The following LPP variants were observed in gnomAD, a reference collection of about 807,000 sequenced individuals.
The protein encoded by LPP is LIM domain containing preferred translocation partner in lipoma.
Under a neutral mutation model 60.4 loss-of-function variants are expected in LPP, and 38 were observed. The observed-to-expected ratio is 0.63, with a 90% confidence interval of 0.49 to 0.83. LPP has a LOEUF of 0.83. Among genes scored for constraint, LPP ranks in the 40% least tolerant of loss-of-function variants. LPP has a pLI of 0.00. For synonymous variants in LPP, 328 were observed against 290.8 expected (o/e 1.13, Z -1.30); for missense variants, 902 against 783.6 (o/e 1.15, Z -1.80).
At chr3:188,312,150 C>G (rs1014768443) in intron 2 of LPP, among the ~76,000 whole-genome samples, 1 of 148,490 alleles carries the variant, frequency 6.7e-6, no homozygotes, top group Admixed American at 6.6e-5. Flanking sequence ...TACACACACA[C>G]ACAGAAACAC....
chr3:188,735,559 T>A (rs1247594984), intron 8 of LPP, among the ~76,000 whole-genome samples: 1 of 151,936 alleles, frequency 6.6e-6, no homozygotes, highest in Non-Finnish European at 1.5e-5. Context: ...TTTTTTTGTA[T>A]TTTTATTAGA....
chr3:188,504,386 T>C (rs1812843017), intron 5 of LPP, among the ~76,000 whole-genome samples: 1 of 152,198 alleles, frequency 6.6e-6, no homozygotes, highest in Non-Finnish European at 1.5e-5. Flanking sequence ...GACAGTAGTT[T>C]TAAAGTCTTC....
At chr3:188,459,334 C>T (rs749240965) in intron 4 of LPP, among the ~76,000 whole-genome samples, 60 of 151,864 alleles carry the variant, frequency 4.0e-4, no homozygotes, top group Non-Finnish European at 6.6e-4. Context: ...CCCAGAAAAA[C>T]AGGAGAGAGG....
At chr3:188,605,584 C>T (rs1297533484) in intron 6 of LPP, among the ~76,000 whole-genome samples, 1 of 152,052 alleles carries the variant, frequency 6.6e-6, no homozygotes, top group East Asian at 1.9e-4. Context: ...ATTCTAAAGT[C>T]TTCATAACAT....
At chr3:188,615,798 T>C (rs1844730639) in intron 7 of LPP, among the ~76,000 whole-genome samples, 1 of 152,202 alleles carries the variant, frequency 6.6e-6, no homozygotes, top group African/African-American at 2.4e-5. Flanking sequence ...AGAGATGGTA[T>C]CTCATTGTTG....
chr3:188,603,023 A>AAATAATAAT (rs57026715), intron 6 of LPP, among the ~76,000 whole-genome samples: 4,552 of 146,558 alleles, frequency 0.031, 69 homozygotes, highest in Middle Eastern at 0.036. Context: ...CTTGTGTTTG[A>AAATAATAAT]AATAATAATA....
chr3:188,526,925 A>T (rs1292536670), intron 6 of LPP, among the ~76,000 whole-genome samples: 4 of 152,188 alleles, frequency 2.6e-5, no homozygotes, highest in African/African-American at 7.2e-5. Context: ...CACAAAGAAG[A>T]TAGTGATATA....
chr3:188,561,974 C>T (rs759555838), intron 6 of LPP, among the ~76,000 whole-genome samples: 1 of 151,846 alleles, frequency 6.6e-6, no homozygotes, highest in African/African-American at 2.4e-5. Context: ...GAGCAGTTGG[C>T]GTTAAGGTTG....
At chr3:188,325,835 G>A (rs1018249978) in intron 2 of LPP, among the ~76,000 whole-genome samples, 1 of 152,170 alleles carries the variant, frequency 6.6e-6, no homozygotes, top group African/African-American at 2.4e-5. Flanking sequence ...ATCTCCGCCT[G>A]TAGAAGATTC....
intron 1 of LPP, among the ~76,000 whole-genome samples, chr3:188,213,415 T>G (rs576210400): frequency 6.6e-6 from 1 of 152,278 alleles, no homozygotes; most frequent in Non-Finnish European, 1.5e-5. Context: ...TGGCTCATTA[T>G]GTGGGATTAG....
In LPP at chr3:188,885,428, T is replaced by G. The variant is rs1355500403; in HGVS notation, c.*10949T>G. On this transcript the variant is annotated 3_prime_UTR_variant, in exon 12 of 12. Transcript: ENST00000617246. ...CATGCCTGAGGAATAAGGGCGACATTAATGGGAGCGGGAGAGTGGTGGCTT... is the reference window on the plus strand; with the variant it reads ...CATGCCTGAGGAATAAGGGCGACATGAATGGGAGCGGGAGAGTGGTGGCTT... The G allele has an allele frequency of 5.3e-6, 1 of 190,020 alleles. No homozygotes were observed. Among genetic ancestry groups the G allele is most frequent in the African/African-American group, 2.3e-5 (1 of 42,884 alleles). The allele number at this position is 190,020 out of a possible 1,614,324, so 11.8% of individuals were successfully genotyped here. A position where few individuals can be genotyped will look rare whatever the true frequency, so the allele number is the denominator to read the frequency against.
chr3:188,179,722 C>T (rs1481358210), intron 1 of LPP: 2 of 349,906 alleles, frequency 5.7e-6, no homozygotes, highest in Non-Finnish European at 1.1e-5. Context: ...GAGAAATGGG[C>T]ATCCTGAGTC....
At chr3:188,750,177 T>C (rs565762044) in intron 8 of LPP, among the ~76,000 whole-genome samples, 1 of 152,238 alleles carries the variant, frequency 6.6e-6, no homozygotes, top group Non-Finnish European at 1.5e-5. Flanking sequence ...ATCCCATTCA[T>C]GACAGAGAAG....
At chr3:188,395,690 C>T (rs1780772018) in intron 3 of LPP, among the ~76,000 whole-genome samples, 1 of 152,102 alleles carries the variant, frequency 6.6e-6, no homozygotes, top group South Asian at 2.1e-4. Context: ...GTTTGGGAGG[C>T]CAGGGTGAGA....
chr3:188,283,695 A>T (rs1213832793), intron 2 of LPP, among the ~76,000 whole-genome samples: 1 of 152,180 alleles, frequency 6.6e-6, no homozygotes, highest in Non-Finnish European at 1.5e-5. Context: ...TCTGCAAGAG[A>T]CATGTTTGAC....
chr3:188,696,692 A>C (rs1162430623), intron 7 of LPP, among the ~76,000 whole-genome samples: 3 of 152,228 alleles, frequency 2.0e-5, no homozygotes, highest in African/African-American at 7.2e-5. Context: ...ACAATTGGTA[A>C]GCTGTGGATG....
chr3:188,568,776 G>C (rs1182852935), intron 6 of LPP: 3 of 152,000 alleles, frequency 2.0e-5, no homozygotes, highest in Admixed American at 2.0e-4. Context: ...AGTTTTTCTG[G>C]AAGAGAAAAG....
At chr3:188,528,541 G>T (rs1821293422) in intron 6 of LPP, among the ~76,000 whole-genome samples, 2 of 152,042 alleles carry the variant, frequency 1.3e-5, no homozygotes, top group Admixed American at 1.3e-4. Context: ...TTTGTTTGAG[G>T]AATCTTTCTG....
chr3:188,585,018 A>G (rs1474633220), intron 6 of LPP, among the ~76,000 whole-genome samples: 2 of 152,170 alleles, frequency 1.3e-5, no homozygotes, highest in East Asian at 3.8e-4. Flanking sequence ...GTTTTAAGAA[A>G]TTACTCTAGG....
Sources: allele counts gnomAD v4.1 joint callset (sites outside exome capture counted in the v4.1 genomes callset), GRCh38; gene constraint gnomAD v4.1.1; transcripts MANE v1.5; gene names NCBI Gene and HGNC (gene_info 2026-07-23, HGNC 2026-07-21).